The following PDE10A variants were observed in gnomAD, a reference collection of about 807,000 sequenced individuals.
PDE10A encodes cAMP and cAMP-inhibited cGMP 3',5'-cyclic phosphodiesterase 10A.
PDE10A carries 39 observed loss-of-function variants against 97.7 expected under a neutral mutation model. The ratio of observed to expected loss-of-function variants is 0.40; its 90% CI spans 0.31 to 0.52. The LOEUF (loss-of-function observed/expected upper bound fraction) is 0.52. Among genes scored for constraint, PDE10A ranks in the 20% least tolerant of loss-of-function variants. PDE10A has a pLI of 0.56. For synonymous variants in PDE10A, 371 were observed against 376.8 expected (o/e 0.98, Z 0.18); for missense variants, 731 against 1,047.8 (o/e 0.70, Z 4.17).
At chr6:165,920,670 G>A (rs1387961886) in intron 1 of PDE10A, among the ~76,000 whole-genome samples, 1 of 152,056 alleles carries the variant, frequency 6.6e-6, no homozygotes, top group Non-Finnish European at 1.5e-5. Context: ...AAATTGTGAT[G>A]TTTTCACTGC....
At chr6:165,369,287 C>A (rs373527853) in intron 18 of PDE10A, among the ~76,000 whole-genome samples, 1 of 151,668 alleles carries the variant, frequency 6.6e-6, no homozygotes, top group African/African-American at 2.4e-5. Context: ...CTCTGAGCTA[C>A]GGGAGGACAT....
At chr6:165,899,434 T>C (rs1782043824) in intron 1 of PDE10A, among the ~76,000 whole-genome samples, 2 of 152,224 alleles carry the variant, frequency 1.3e-5, no homozygotes, top group South Asian at 4.1e-4. Flanking sequence ...TGAGAGTCAC[T>C]GGGCCAGAGG....
chr6:165,529,765 C>A (rs144644909), intron 2 of PDE10A, among the ~76,000 whole-genome samples: 2 of 152,008 alleles, frequency 1.3e-5, no homozygotes. Context: ...TCCTGTTGTA[C>A]GAAGGATAGC....
intron 1 of PDE10A, among the ~76,000 whole-genome samples, chr6:165,822,194 A>G (rs1449960704): frequency 1.3e-5 from 2 of 152,168 alleles, no homozygotes; most frequent in African/African-American, 4.8e-5. Flanking sequence ...GCATTTACAC[A>G]CACCTGGATG....
At chr6:165,734,767 A>G (rs1456691640) in intron 1 of PDE10A, among the ~76,000 whole-genome samples, 3 of 152,226 alleles carry the variant, frequency 2.0e-5, no homozygotes, top group Non-Finnish European at 1.5e-5. Flanking sequence ...TGGGAATACC[A>G]GAAGGAGAAA....
At chr6:165,915,282 C>G (rs904979912) in intron 1 of PDE10A, among the ~76,000 whole-genome samples, 4 of 152,186 alleles carry the variant, frequency 2.6e-5, no homozygotes, top group African/African-American at 9.7e-5. Flanking sequence ...AAGGCTGTGA[C>G]AAGGTCCCTT....
chr6:165,578,117 A>G (rs532538882), intron 1 of PDE10A, among the ~76,000 whole-genome samples: 10 of 152,260 alleles, frequency 6.6e-5, no homozygotes, highest in African/African-American at 1.9e-4. Context: ...AGGTAAATAC[A>G]GGGGTCCCAA....
At chr6:165,760,991 G>C (rs1793235634) in intron 1 of PDE10A, among the ~76,000 whole-genome samples, 1 of 152,188 alleles carries the variant, frequency 6.6e-6, no homozygotes, top group South Asian at 2.1e-4. Flanking sequence ...TAGAACCTCT[G>C]ACCAGCTTAC....
chr6:165,515,442 T>C (rs887344808), intron 2 of PDE10A, among the ~76,000 whole-genome samples: 1 of 151,816 alleles, frequency 6.6e-6, no homozygotes, highest in Non-Finnish European at 1.5e-5. Flanking sequence ...TATAAAATTA[T>C]TGGTTTAATA....
At chr6:165,350,867 C>T (rs1782646477) in intron 18 of PDE10A, among the ~76,000 whole-genome samples, 1 of 152,162 alleles carries the variant, frequency 6.6e-6, no homozygotes, top group Admixed American at 6.5e-5. Flanking sequence ...TTTGCTTCCC[C>T]TTCCATCATG....
intron 10 of PDE10A, among the ~76,000 whole-genome samples, chr6:165,422,142 AT>A (rs539924681): frequency 4.6e-5 from 7 of 152,282 alleles, no homozygotes; most frequent in African/African-American, 1.7e-4. Flanking sequence ...CCAAATATTA[AT>A]GTTTAACTTT....
In PDE10A at chr6:165,692,358, G is replaced by A. The variant is rs551933485; in HGVS notation, c.-614-148790C>T. ...GATGAGAGGGGTGGGTGAAGCAGGA[G>A]GAGCTGCAGGGTTTCCCACGTCTTC... On this transcript the variant is annotated intron_variant, in intron 1 of 19. Coordinates refer to the PDE10A transcript ENST00000366882. Among the ~76,000 whole-genome samples the A allele has an allele frequency of 2.5e-4, 38 of 152,354 alleles. No individual in the cohort carries two copies. The East Asian group carries it at 7.1e-3, about 29-fold the overall frequency.
In PDE10A at chr6:165,852,832, T is replaced by C. The variant is rs369211490; in HGVS notation, c.-615+134697A>G. The stretch of plus-strand genomic sequence containing the variant: ...ACATTTTTCTGAGCTCCATCCTAGC[T>C]CGTGGCTCATTCATTACATTCAAAC... On this transcript the variant is annotated intron_variant, in intron 1 of 19. Coordinates refer to the PDE10A transcript ENST00000366882. Among the ~76,000 whole-genome samples, 20 of 152,358 alleles carry C rather than the reference T, an allele frequency of 1.3e-4. No individual in the cohort carries two copies. In the East Asian group the frequency reaches 3.5e-3, roughly 26 times the overall value.
chr6:165,372,397 A>G (rs1784317773), intron 18 of PDE10A, among the ~76,000 whole-genome samples: 1 of 146,644 alleles, frequency 6.8e-6, no homozygotes, highest in African/African-American at 2.6e-5. Context: ...ATACAAAATC[A>G]ATGCACAAAA....
chr6:165,424,104 A>C (rs1788937677), intron 10 of PDE10A, among the ~76,000 whole-genome samples: 1 of 151,912 alleles, frequency 6.6e-6, no homozygotes, highest in African/African-American at 2.4e-5. Context: ...CCATCCCCCA[A>C]AGTAGAACCC....
chr6:165,612,672 T>C (rs1023167217), intron 1 of PDE10A, among the ~76,000 whole-genome samples: 4 of 152,224 alleles, frequency 2.6e-5, no homozygotes, highest in African/African-American at 9.6e-5. Context: ...CCCAGCCATA[T>C]TTTTGTCTCA....
intron 1 of PDE10A, among the ~76,000 whole-genome samples, chr6:165,646,099 C>G (rs1279726535): frequency 6.6e-6 from 1 of 152,174 alleles, no homozygotes. Flanking sequence ...GACCAGGGAA[C>G]AGTTCCACGG....
chr6:165,403,223 G>A (rs1180398193), intron 13 of PDE10A, among the ~76,000 whole-genome samples: 1 of 152,198 alleles, frequency 6.6e-6, no homozygotes, highest in African/African-American at 2.4e-5. Flanking sequence ...TCAGCACTGT[G>A]TTGCCACATC....
chr6:165,951,563 G>C, intron 1 of PDE10A, among the ~76,000 whole-genome samples: 1 of 152,170 alleles, frequency 6.6e-6, no homozygotes, highest in Middle Eastern at 3.4e-3. Flanking sequence ...CACTCACGAC[G>C]TAGGGTGAAC....
Sources: allele counts gnomAD v4.1 joint callset (sites outside exome capture counted in the v4.1 genomes callset), GRCh38; gene constraint gnomAD v4.1.1; transcripts MANE v1.5; gene names NCBI Gene and HGNC (gene_info 2026-07-23, HGNC 2026-07-21).